Variants in DGKB observed in about 807,000 individuals in gnomAD.
DGKB encodes diacylglycerol kinase beta.
DGKB carries 67 observed loss-of-function variants against 114.3 expected under a neutral mutation model. The ratio of observed to expected loss-of-function variants is 0.59; its 90% CI spans 0.48 to 0.72. The LOEUF is 0.72. Among genes scored for constraint, DGKB ranks in the 30% least tolerant of loss-of-function variants. The pLI is 0.00. For missense variants in DGKB, 907 were observed against 975.2 expected, an observed-to-expected ratio of 0.93 and a Z score of 0.93; for synonymous variants, 398 against 323.1, an observed-to-expected ratio of 1.23 and a Z score of -2.49.
rs982542800 is a variant in DGKB at position 14,694,146 on chromosome 7, C to A, written c.640G>T (p.Val214Leu). ...EEIDYDHDGTVSLEEWIQGGM... is the reference protein window; with the variant it reads ...EEIDYDHDGTLSLEEWIQGGM... ...CCTTGAATCCATTCCTCCAGAGACA[C>A]GGTTCCATCATGATCATAGTCAATT... is the stretch of plus-strand genomic sequence containing the variant. The change falls in exon 9 of 26, where the codon GTG becomes TTG. Residue 214 changes from valine to leucine, a missense_variant. By Grantham distance (32) the Val-to-Leu change is conservative (BLOSUM62 1). Around this residue, in one of 3 missense-constraint regions of DGKB, gnomAD observed 814 missense variants for 856.6 expected, o/e 0.95. Coordinates refer to ENST00000402815, the MANE Select transcript of DGKB (RefSeq NM_001350709.2). 28 of 1,588,838 alleles carry A rather than the reference C, an allele frequency of 1.8e-5. No homozygotes were observed. Among genetic ancestry groups the A allele is most frequent in the Non-Finnish European group, 2.4e-5 (28 of 1,165,904 alleles).
At chr7:14,301,816 C>G (rs996616788) in intron 23 of DGKB, among the ~76,000 whole-genome samples, 14 of 152,058 alleles carry the variant, frequency 9.2e-5, no homozygotes, top group African/African-American at 3.4e-4. Context: ...TATGGGTTTT[C>G]ACTCATTTCA....
intron 23 of DGKB, among the ~76,000 whole-genome samples, chr7:14,330,153 A>G (rs1213034669): frequency 6.6e-6 from 1 of 152,024 alleles, no homozygotes; most frequent in Non-Finnish European, 1.5e-5. Context: ...AAAATAAACA[A>G]TGTATTCTTC....
At chr7:14,190,556 TAAAC>T (rs143661449) in intron 23 of DGKB, among the ~76,000 whole-genome samples, 21,872 of 151,600 alleles carry the variant, frequency 0.14, 1,656 homozygotes, top group African/African-American at 0.17. Context: ...AGAGCAGAAA[TAAAC>T]AAAATTGATG....
intron 25 of DGKB, among the ~76,000 whole-genome samples, chr7:14,166,943 C>T (rs1784693648): frequency 6.6e-6 from 1 of 152,120 alleles, no homozygotes; most frequent in African/African-American, 2.4e-5. Flanking sequence ...CAGTGGGTGG[C>T]TCATGCAGGT....
chr7:14,529,292 G>A (rs1791163664), intron 20 of DGKB, among the ~76,000 whole-genome samples: 2 of 151,884 alleles, frequency 1.3e-5, no homozygotes, highest in African/African-American at 4.8e-5. Flanking sequence ...AAGAAGAGAA[G>A]GGTTTGGAGA....
intron 7 of DGKB, among the ~76,000 whole-genome samples, chr7:14,700,456 C>A (rs1389000749): frequency 6.6e-6 from 1 of 152,104 alleles, no homozygotes; most frequent in African/African-American, 2.4e-5. Flanking sequence ...CAGGTGATCG[C>A]CTGCCCGTCT....
At chr7:14,779,064 G>A (rs1267763156) in intron 2 of DGKB, among the ~76,000 whole-genome samples, 1 of 151,976 alleles carries the variant, frequency 6.6e-6, no homozygotes, top group Non-Finnish European at 1.5e-5. Context: ...GTTGAGTCAG[G>A]AGAATTGCTT....
chr7:14,161,016 C>T (rs1368147789), intron 25 of DGKB, among the ~76,000 whole-genome samples: 1 of 152,158 alleles, frequency 6.6e-6, no homozygotes, highest in African/African-American at 2.4e-5. Context: ...TGAACAGACA[C>T]TTCTCAAAAG....
In DGKB at chr7:14,145,522, G is replaced by A. The variant is rs12532349; in HGVS notation, c.*3609C>T. The A allele has an allele frequency of 0.68, 103,026 of 151,454 alleles. 37,301 individuals carry two copies. Among genetic ancestry groups the A allele is most frequent in the East Asian group, 0.82 (4,209 of 5,126 alleles). The allele number at this position is 151,454 out of a possible 1,614,324, so 9.4% of individuals were successfully genotyped here. A position where few individuals can be genotyped will look rare whatever the true frequency, so the allele number is the denominator to read the frequency against. On this transcript the variant is annotated 3_prime_UTR_variant, in exon 26 of 26. Transcript: ENST00000402815. ...CACCCAGGCTGGAGTGCAGTGGTGT[G>A]ATCTTGGCTCACTGCAACCGCAGCC...
chr7:14,489,178 C>T (rs1395321060), intron 20 of DGKB, among the ~76,000 whole-genome samples: 2 of 152,126 alleles, frequency 1.3e-5, no homozygotes, highest in Non-Finnish European at 2.9e-5. Flanking sequence ...TGGTCTCCCT[C>T]TAATAGAATC....
chr7:14,310,721 A>C (rs1805254656), intron 23 of DGKB, among the ~76,000 whole-genome samples: 1 of 152,234 alleles, frequency 6.6e-6, no homozygotes, highest in Non-Finnish European at 1.5e-5. Context: ...CCAGGAACAT[A>C]TGAAGTTGTA....
intron 21 of DGKB, among the ~76,000 whole-genome samples, chr7:14,372,071 G>T (rs1344782080): frequency 1.3e-5 from 2 of 152,076 alleles, no homozygotes; most frequent in Non-Finnish European, 2.9e-5. Context: ...CTCTTTCAGC[G>T]CCTCCAAGCC....
At chr7:14,909,950 T>C (rs1391270209) in intron 1 of DGKB, among the ~76,000 whole-genome samples, 4 of 152,104 alleles carry the variant, frequency 2.6e-5, no homozygotes, top group Non-Finnish European at 5.9e-5. Flanking sequence ...TTCACACCTG[T>C]AATCCCAGCA....
intron 22 of DGKB, among the ~76,000 whole-genome samples, chr7:14,342,602 A>G (rs779082508): frequency 1.3e-5 from 2 of 151,932 alleles, no homozygotes; most frequent in African/African-American, 2.4e-5. Flanking sequence ...TTTGCTCATT[A>G]GATTTAAACA....
upstream of DGKB, among the ~76,000 whole-genome samples, chr7:14,906,893 T>C (rs1056370540): frequency 6.6e-6 from 1 of 152,344 alleles, no homozygotes; most frequent in South Asian, 2.1e-4. Context: ...CAATAGGATA[T>C]AGCTTTATCT....
chr7:14,159,086 C>T (rs1340827282), intron 25 of DGKB, among the ~76,000 whole-genome samples: 1 of 152,084 alleles, frequency 6.6e-6, no homozygotes, highest in African/African-American at 2.4e-5. Context: ...CCTGTTGAAA[C>T]CTCTCTTTAC....
chr7:14,942,292 G>A (rs1317582091), intron 1 of DGKB, among the ~76,000 whole-genome samples: 1 of 151,814 alleles, frequency 6.6e-6, no homozygotes, highest in Non-Finnish European at 1.5e-5. Flanking sequence ...AGAGGGGCGA[G>A]AAAGGCATGC....
intron 19 of DGKB, among the ~76,000 whole-genome samples, chr7:14,578,734 T>C (rs1584931049): frequency 6.6e-6 from 1 of 152,346 alleles, no homozygotes; most frequent in South Asian, 2.1e-4. Context: ...TCTGCATGTT[T>C]TCACATTTTC....
intron 1 of DGKB, among the ~76,000 whole-genome samples, chr7:14,953,518 G>A (rs939101073): frequency 1.3e-5 from 2 of 152,096 alleles, no homozygotes; most frequent in African/African-American, 4.8e-5. Context: ...TCCCACACAC[G>A]AGGATGATTA....
Sources: allele counts gnomAD v4.1 joint callset (sites outside exome capture counted in the v4.1 genomes callset), GRCh38; gene constraint gnomAD v4.1.1; regional missense constraint gnomAD v4.1.1; transcripts MANE v1.5; gene names NCBI Gene and HGNC (gene_info 2026-07-23, HGNC 2026-07-21).